MYO10: variants seen among roughly 807,000 people sequenced by gnomAD.
MYO10 encodes the protein myosin X.
A neutral mutation model predicts 257.3 loss-of-function variants in MYO10; 133 were observed. The ratio of observed to expected loss-of-function variants is 0.52; its 90% CI spans 0.45 to 0.60. The LOEUF (loss-of-function observed/expected upper bound fraction) is 0.60, where lower values mean the gene tolerates loss of function less well. Among genes scored for constraint, MYO10 ranks in the 20% least tolerant of loss-of-function variants. MYO10 has a pLI of 0.00. For missense variants in MYO10, 2,399 were observed against 2,635.7 expected (o/e 0.91, Z 1.97); for synonymous variants, 1,104 against 1,028.6 (o/e 1.07, Z -1.40).
At chr5:16,757,290 ACACACACACAAACACACACACACACG>A in intron 18 of MYO10, among the ~76,000 whole-genome samples, 1 of 118,588 alleles carries the variant, frequency 8.4e-6, no homozygotes, top group East Asian at 2.6e-4. Context: ...ACCCTGTCTC[ACACACACACAAACACACACACACACG>A]CACACACACA....
At chr5:16,830,735 A>G (rs964256005) in intron 2 of MYO10, among the ~76,000 whole-genome samples, 4 of 147,106 alleles carry the variant, frequency 2.7e-5, no homozygotes, top group Non-Finnish European at 6.0e-5. Flanking sequence ...CATTCTAAAA[A>G]CTTACATTTG....
chr5:16,910,622 C>A (rs1009695302), intron 1 of MYO10, among the ~76,000 whole-genome samples: 2 of 152,210 alleles, frequency 1.3e-5, no homozygotes, highest in Non-Finnish European at 1.5e-5. Flanking sequence ...TCAGTGCTCA[C>A]TAGGCATCCA....
At chr5:16,739,902 G>A (rs564888093) in intron 19 of MYO10, among the ~76,000 whole-genome samples, 3 of 152,218 alleles carry the variant, frequency 2.0e-5, no homozygotes, top group South Asian at 2.1e-4. Context: ...AGGGGTGAAC[G>A]CAAACCCCAG....
chr5:16,919,611 T>G (rs751433078), intron 1 of MYO10, among the ~76,000 whole-genome samples: 1 of 152,190 alleles, frequency 6.6e-6, no homozygotes, highest in Non-Finnish European at 1.5e-5. Flanking sequence ...AATTAATACA[T>G]GTAAAAAGCT....
At chr5:16,845,735 G>A (rs1743615332) in intron 2 of MYO10, among the ~76,000 whole-genome samples, 1 of 152,120 alleles carries the variant, frequency 6.6e-6, no homozygotes, top group South Asian at 2.1e-4. Context: ...GGAGGCCGAG[G>A]CGGGTGGATC....
intron 1 of MYO10, among the ~76,000 whole-genome samples, chr5:16,925,183 A>G (rs2170642): frequency 0.47 from 71,413 of 151,958 alleles, 17,105 homozygotes; most frequent in African/African-American, 0.53. Context: ...CCAAACAGAA[A>G]TAATTTGGCC....
intron 2 of MYO10, among the ~76,000 whole-genome samples, chr5:16,840,221 T>C: frequency 6.6e-6 from 1 of 152,136 alleles, no homozygotes; most frequent in East Asian, 1.9e-4. Context: ...GAGACCAGCC[T>C]GAACAACATG....
chr5:16,704,749 G>T, intron 21 of MYO10, 64 bp from the exon 22 acceptor site: 2 of 1,284,132 alleles, frequency 1.6e-6, no homozygotes, highest in Non-Finnish European at 1.1e-6. Context: ...AGGCATTTCT[G>T]AGTCAAAGAT....
At chr5:16,747,947 G>GAAAAAAAAAAAAAAAAAAAAAAAA (rs1216946177) in intron 19 of MYO10, among the ~76,000 whole-genome samples, 1 of 81,634 alleles carries the variant, frequency 1.2e-5, no homozygotes, top group Non-Finnish European at 2.5e-5. Flanking sequence ...AAAAAAAAAA[G>GAAAAAAAAAAAAAAAAAAAAAAAA]AAAAAAAAAA....
At chr5:16,758,654 C>T (rs537956068) in intron 17 of MYO10, among the ~76,000 whole-genome samples, 101 of 152,220 alleles carry the variant, frequency 6.6e-4, no homozygotes, top group African/African-American at 2.3e-3. Context: ...GTGAGGCAGG[C>T]GATGGTTCAA....
intron 11 of MYO10, among the ~76,000 whole-genome samples, chr5:16,765,489 T>C (rs1740836773): frequency 1.3e-5 from 2 of 152,168 alleles, no homozygotes; most frequent in Non-Finnish European, 2.9e-5. Context: ...TTTATATCTA[T>C]CAATCTATCT....
intron 2 of MYO10, among the ~76,000 whole-genome samples, chr5:16,821,219 G>A (rs1330402921): frequency 6.7e-6 from 1 of 148,336 alleles, no homozygotes; most frequent in African/African-American, 2.5e-5. Context: ...GCTGTTCCTG[G>A]TGCATCAAAA....
intron 30 of MYO10, 111 bp downstream of exon 30, chr5:16,683,769 C>T: frequency 9.4e-7 from 1 of 1,059,712 alleles, no homozygotes; most frequent in Non-Finnish European, 1.4e-6. Context: ...GAACACACAG[C>T]CTTGCGTGAT....
At chr5:16,669,318 A>G (rs931216819) in intron 39 of MYO10, among the ~76,000 whole-genome samples, 6 of 151,694 alleles carry the variant, frequency 4.0e-5, no homozygotes, top group Non-Finnish European at 7.4e-5. Context: ...AGTTCAAGCG[A>G]TTCTCCTGTC....
intron 1 of MYO10, among the ~76,000 whole-genome samples, chr5:16,921,132 G>GATAAA (rs56053669): frequency 0.58 from 86,283 of 148,970 alleles, 25,260 homozygotes; most frequent in East Asian, 0.67. Context: ...AATAACATAA[G>GATAAA]ATAAAATAAA....
Position 16,701,473 on chromosome 5 carries a change from G to C in MYO10, c.2922C>G (p.Ser974Arg), listed in dbSNP as rs779767436. 10 of 1,613,924 alleles carry C rather than the reference G, an allele frequency of 6.2e-6. No individual in the cohort carries two copies. The Admixed American group carries it at 6.7e-5, about 11-fold the overall frequency. ...TGAAGTTGGGCTTCTCCTCGCATGC[G>C]CTCTCAGCCAGCTCGCTGGAAAATT... ...GSEFSSELAESACEEKPNFNF... is the reference protein window; with the variant it reads ...GSEFSSELAERACEEKPNFNF... Residue 974 changes from serine to arginine, a missense_variant, in exon 25 of 41, where the codon AGC becomes AGG. Ser to Arg is a moderately radical substitution (Grantham distance 110, BLOSUM62 -1). Coordinates refer to ENST00000513610, the MANE Select transcript of MYO10 (RefSeq NM_012334.3). This position sits in a 1 kb window ranked among gnomAD's most constrained non-coding sequence, Gnocchi z 8.1.
chr5:16,818,677 A>G (rs1191098860), intron 2 of MYO10, among the ~76,000 whole-genome samples: 2 of 151,592 alleles, frequency 1.3e-5, no homozygotes, highest in African/African-American at 4.9e-5. Context: ...GGCTCAAGCA[A>G]TCCACCTGTC....
chr5:16,711,610 C>A (rs568371177), intron 19 of MYO10, among the ~76,000 whole-genome samples: 2 of 151,996 alleles, frequency 1.3e-5, no homozygotes, highest in East Asian at 3.9e-4. Context: ...GGTGAAACCC[C>A]GTCTCTACTA....
At chr5:16,920,660 G>T (rs1745954908) in intron 1 of MYO10, among the ~76,000 whole-genome samples, 1 of 152,260 alleles carries the variant, frequency 6.6e-6, no homozygotes, top group African/African-American at 2.4e-5. Context: ...ATGCAAAACT[G>T]GTGAAACATG....
Sources: gnomAD v4.1 joint callset for allele counts (sites outside exome capture counted in the v4.1 genomes callset) on GRCh38, gnomAD v4.1.1 for gene constraint, Gnocchi (gnomAD v3.1) non-coding constraint, MANE v1.5 for transcripts, NCBI Gene and HGNC (gene_info 2026-07-23, HGNC 2026-07-21) for gene names.